The following RBFOX1 variants were observed in gnomAD, a reference collection of about 807,000 sequenced individuals.
RBFOX1 encodes RNA binding fox-1 homolog 1.
RBFOX1 carries 8 observed loss-of-function variants against 57.7 expected under a neutral mutation model. The ratio of observed to expected loss-of-function variants is 0.14; its 90% CI spans 0.08 to 0.25. The LOEUF is 0.25. RBFOX1 is among the 10% of genes least tolerant of loss of function. The pLI is 1.00. For synonymous variants in RBFOX1, 326 were observed against 222.4 expected (o/e 1.47, Z -4.15); for missense variants, 611 against 548.5 (o/e 1.11, Z -1.14).
At chr16:6,742,328 C>G (rs901880335) in intron 3 of RBFOX1, among the ~76,000 whole-genome samples, 4 of 152,080 alleles carry the variant, frequency 2.6e-5, no homozygotes, top group African/African-American at 4.8e-5. Flanking sequence ...AAGATAGAAA[C>G]TATCAAATAT....
chr16:5,955,396 TAAAATAAAATAAAATAA>T (rs1567188080), intron 4 of RBFOX1, among the ~76,000 whole-genome samples: 885 of 74,016 alleles, frequency 0.012, 38 homozygotes, highest in African/African-American at 0.025. Context: ...TAAAATAAAA[TAAAATAAAATAAAATAA>T]AAGTCTTTCC....
intron 1 of RBFOX1, among the ~76,000 whole-genome samples, chr16:5,450,437 C>A (rs959047264): frequency 4.6e-5 from 7 of 152,094 alleles, no homozygotes; most frequent in African/African-American, 1.7e-4. Context: ...TGTGGAGGGC[C>A]CCTTCTAATG....
chr16:6,129,702 T>TAAA (rs35279011), intron 1 of RBFOX1, among the ~76,000 whole-genome samples: 1 of 121,192 alleles, frequency 8.3e-6, no homozygotes, highest in Non-Finnish European at 1.7e-5. Context: ...CAGGTAGAAT[T>TAAA]AAAAAAAAAA....
chr16:5,535,469 G>T (rs535153232), intron 2 of RBFOX1, among the ~76,000 whole-genome samples: 4 of 152,186 alleles, frequency 2.6e-5, no homozygotes, highest in Non-Finnish European at 4.4e-5. Flanking sequence ...CCAAGAAAAC[G>T]TGAGGTGAAA....
chr16:7,538,994 T>G (rs1414414567), intron 5 of RBFOX1, among the ~76,000 whole-genome samples: 2 of 152,030 alleles, frequency 1.3e-5, no homozygotes, highest in Admixed American at 6.6e-5. Flanking sequence ...TCGAAAAAGG[T>G]GTGTCTCAAG....
chr16:5,457,584 G>T (rs773635192), intron 1 of RBFOX1, among the ~76,000 whole-genome samples: 11 of 152,178 alleles, frequency 7.2e-5, no homozygotes, highest in Non-Finnish European at 1.2e-4. Flanking sequence ...CAGGCATTCA[G>T]TTCCATAGCA....
chr16:7,698,608 C>T (rs955509826), intron 14 of RBFOX1, among the ~76,000 whole-genome samples: 2 of 152,204 alleles, frequency 1.3e-5, no homozygotes, highest in African/African-American at 4.8e-5. Flanking sequence ...GGCCATTCCT[C>T]TAACTGATCC....
chr16:6,681,262 G>A lies in RBFOX1; in HGVS notation c.-16+26612G>A, dbSNP rs138990551. 4.6e-5 allele frequency among the ~76,000 whole-genome samples: 7 copies of A among 152,268 alleles called. No homozygotes were observed. The East Asian group carries it at 1.4e-3, about 29-fold the overall frequency. The stretch of plus-strand genomic sequence containing the variant: ...GGAAGGCAGAGGCAGAAGTTGCAGT[G>A]AGCCAGGATCACACCACTGCACTCC... On this transcript the variant is annotated intron_variant, in intron 3 of 15. Transcript: ENST00000550418.
At chr16:7,424,881 C>T (rs2149440375) in intron 4 of RBFOX1, among the ~76,000 whole-genome samples, 1 of 152,152 alleles carries the variant, frequency 6.6e-6, no homozygotes, top group South Asian at 2.1e-4. Flanking sequence ...TGAATGACCC[C>T]CTACTGAGGT....
intron 4 of RBFOX1, among the ~76,000 whole-genome samples, chr16:7,066,570 A>G (rs1320310648): frequency 2.0e-5 from 3 of 152,214 alleles, no homozygotes; most frequent in Non-Finnish European, 1.5e-5. Context: ...CAGTTAAATT[A>G]TTTAACATCT....
chr16:6,815,063 AAAGC>A (rs2089759541), intron 3 of RBFOX1, among the ~76,000 whole-genome samples: 2 of 152,126 alleles, frequency 1.3e-5, no homozygotes, highest in Non-Finnish European at 2.9e-5. Flanking sequence ...TTTTTCCCGG[AAAGC>A]GGTAGGCAAT....
chr16:7,050,360 G>A (rs2049608768), intron 3 of RBFOX1, among the ~76,000 whole-genome samples: 1 of 151,134 alleles, frequency 6.6e-6, no homozygotes, highest in African/African-American at 2.4e-5. Flanking sequence ...CTGCCTCCCA[G>A]GTTCAAGTGA....
chr16:5,906,651 C>A (rs769544540), intron 4 of RBFOX1, among the ~76,000 whole-genome samples: 1 of 150,032 alleles, frequency 6.7e-6, no homozygotes, highest in Non-Finnish European at 1.5e-5. Context: ...TGTACTCTAA[C>A]TTAACAGAGG....
At chr16:7,235,966 A>G (rs898500942) in intron 4 of RBFOX1, among the ~76,000 whole-genome samples, 1 of 152,124 alleles carries the variant, frequency 6.6e-6, no homozygotes, top group Non-Finnish European at 1.5e-5. Flanking sequence ...GAAAGGGTGC[A>G]TTTTCTGGCT....
At chr16:6,793,903 C>T (rs1449669897) in intron 3 of RBFOX1, among the ~76,000 whole-genome samples, 1 of 151,946 alleles carries the variant, frequency 6.6e-6, no homozygotes, top group Non-Finnish European at 1.5e-5. Context: ...CATCTATCTC[C>T]CTCTTGAGCA....
At chr16:6,288,474 C>T (rs760797416) in intron 1 of RBFOX1, among the ~76,000 whole-genome samples, 8 of 152,124 alleles carry the variant, frequency 5.3e-5, no homozygotes, top group Non-Finnish European at 1.0e-4. Flanking sequence ...CAAATAAGGT[C>T]CATGCATCAT....
intron 1 of RBFOX1, among the ~76,000 whole-genome samples, chr16:6,189,963 A>G (rs1451687641): frequency 6.6e-6 from 1 of 152,154 alleles, no homozygotes; most frequent in Admixed American, 6.6e-5. Flanking sequence ...GATTTTCCCC[A>G]ATGTTTTCTT....
intron 3 of RBFOX1, among the ~76,000 whole-genome samples, chr16:5,635,364 G>A (rs1418273224): frequency 6.6e-6 from 1 of 152,148 alleles, no homozygotes; most frequent in African/African-American, 2.4e-5. Flanking sequence ...TCTGAATGTG[G>A]TTCTCTAGGC....
At chr16:7,094,921 C>A (rs1465498690) in intron 4 of RBFOX1, among the ~76,000 whole-genome samples, 1 of 152,014 alleles carries the variant, frequency 6.6e-6, no homozygotes, top group East Asian at 1.9e-4. Context: ...TCTCTTAATA[C>A]CTGTAGAACA....
Sources: gnomAD v4.1 joint callset for allele counts (sites outside exome capture counted in the v4.1 genomes callset) on GRCh38, gnomAD v4.1.1 for gene constraint, MANE v1.5 for transcripts, NCBI Gene and HGNC (gene_info 2026-07-23, HGNC 2026-07-21) for gene names.